SOCS2: variants seen among roughly 807,000 people sequenced by gnomAD.
The protein encoded by SOCS2 is CIS-2.
Under a neutral mutation model 18.6 loss-of-function variants are expected in SOCS2, and 10 were observed. That is an observed-to-expected ratio of 0.54 (90% CI 0.33 to 0.91). SOCS2 has a LOEUF of 0.91. Ranked by LOEUF, SOCS2 falls within the 40% of genes least tolerant of loss-of-function variation. SOCS2 has a pLI of 0.02. For missense variants in SOCS2, 231 were observed against 247.2 expected, an observed-to-expected ratio of 0.93 and a Z score of 0.44; for synonymous variants, 104 against 104.0, an observed-to-expected ratio of 1.00 and a Z score of 0.00.
chr12:93,582,915 T>C (rs1954559466), intron 1 of SOCS2: 1 of 152,026 alleles, frequency 6.6e-6, no homozygotes, highest in African/African-American at 2.4e-5. Flanking sequence ...AGTTTCTACG[T>C]AGATTGTAGT....
upstream of SOCS2, chr12:93,571,859 C>G: frequency 2.4e-6 from 1 of 425,282 alleles, no homozygotes; most frequent in Non-Finnish European, 4.7e-6. Flanking sequence ...GCCCCATGTC[C>G]GCTGAGGAGG....
chr12:93,571,904 C>T, upstream of SOCS2: 1 of 433,410 alleles, frequency 2.3e-6, no homozygotes, highest in Non-Finnish European at 4.6e-6. Flanking sequence ...GCGGCCGCGG[C>T]CGAGGTCGAG....
chr12:93,606,967 C>T, the SOCS2 span, among the ~76,000 whole-genome samples: 2 of 152,114 alleles, frequency 1.3e-5, no homozygotes, highest in Non-Finnish European at 2.9e-5. Flanking sequence ...TAATTTTGTT[C>T]AAGGAATTCT....
the SOCS2 span, among the ~76,000 whole-genome samples, chr12:93,596,962 T>C: frequency 6.6e-6 from 1 of 152,256 alleles, no homozygotes; most frequent in Non-Finnish European, 1.5e-5. Flanking sequence ...TATTATTTCA[T>C]GTGGTCTATA....
the SOCS2 span, among the ~76,000 whole-genome samples, chr12:93,600,296 A>G: frequency 2.0e-5 from 3 of 152,194 alleles, no homozygotes; most frequent in African/African-American, 4.8e-5. Context: ...AGTTTTCCAT[A>G]AGCATGGGTC....
chr12:93,587,436 CT>C (rs1366457003), downstream of SOCS2, among the ~76,000 whole-genome samples: 1 of 152,094 alleles, frequency 6.6e-6, no homozygotes, highest in Non-Finnish European at 1.5e-5. Context: ...AATCCTAGCA[CT>C]TTGGGAGGCA....
chr12:93,611,054 A>G, the SOCS2 span, among the ~76,000 whole-genome samples: 453 of 152,182 alleles, frequency 3.0e-3, 1 homozygote, highest in Middle Eastern at 6.8e-3. Flanking sequence ...CTCATTTTAT[A>G]AATCTTCAAG....
the SOCS2 span, among the ~76,000 whole-genome samples, chr12:93,619,668 C>T: frequency 3.8e-3 from 586 of 152,282 alleles, 5 homozygotes; most frequent in African/African-American, 0.014. Context: ...TAGAGGTTAC[C>T]ATACCCTATT....
chr12:93,614,631 CTTT>C, the SOCS2 span, among the ~76,000 whole-genome samples: 1 of 102,506 alleles, frequency 9.8e-6, no homozygotes, highest in Admixed American at 1.1e-4. Context: ...TTCTTTCTTT[CTTT>C]TGATGGAGTC....
chr12:93,625,612 G>A, the SOCS2 span, among the ~76,000 whole-genome samples: 12 of 152,088 alleles, frequency 7.9e-5, no homozygotes, highest in South Asian at 2.3e-3. Context: ...GCTGGGTGTG[G>A]TGGCACGTGC....
chr12:93,592,987 G>A, the SOCS2 span, among the ~76,000 whole-genome samples: 3 of 143,484 alleles, frequency 2.1e-5, no homozygotes, highest in South Asian at 4.4e-4. Flanking sequence ...AAAGGACATC[G>A]ATTAAGCACA....
chr12:93,602,867 A>C, the SOCS2 span, among the ~76,000 whole-genome samples: 2 of 152,190 alleles, frequency 1.3e-5, no homozygotes, highest in Non-Finnish European at 2.9e-5. Context: ...GAACTCATAC[A>C]ACTCACAGCC....
chr12:93,592,611 G>T, the SOCS2 span, among the ~76,000 whole-genome samples: 106 of 152,224 alleles, frequency 7.0e-4, no homozygotes, highest in African/African-American at 2.4e-3. Flanking sequence ...TATTTCAGAT[G>T]GAAATAAATT....
chr12:93,602,559 A>G, the SOCS2 span, among the ~76,000 whole-genome samples: 2 of 152,170 alleles, frequency 1.3e-5, no homozygotes, highest in African/African-American at 2.4e-5. Flanking sequence ...TCCAATTAAG[A>G]TTCAAAGGTA....
rs1278464648 is a variant in SOCS2, at chr12:93,572,776, C to G, written c.-122C>G. 8.0e-7 allele frequency: 1 copy of G among 1,255,336 alleles called. No homozygotes were observed. Among genetic ancestry groups the G allele is most frequent in the Admixed American group, 2.0e-5 (1 of 50,670 alleles). The allele number at this position is 1,255,336 out of a possible 1,614,324, so 77.8% of individuals were successfully genotyped here. ...AGCCCCATCCCTTCTCTCTCTGCCA[C>G]CATTTCGGACACCCCGCAGGGACTC... is the stretch of plus-strand genomic sequence containing the variant. On this transcript the variant is annotated 5_prime_UTR_variant, in exon 1 of 2. Transcript: ENST00000551556. This position sits in a 1 kb window ranked among gnomAD's most constrained non-coding sequence, Gnocchi z 5.0.
the SOCS2 span, among the ~76,000 whole-genome samples, chr12:93,601,474 G>A: frequency 1.3e-4 from 19 of 151,898 alleles, no homozygotes; most frequent in South Asian, 3.7e-3. Flanking sequence ...ATGTTGGCCA[G>A]GCTGTTGTAT....
chr12:93,583,049 G>C (rs149433302), exon 2 of SOCS2: 1 of 141,702 alleles, frequency 7.1e-6, no homozygotes, highest in African/African-American at 2.6e-5. Flanking sequence ...CTGGTTAGAA[G>C]AATTTTGTGT....
At chr12:93,610,049 A>C in the SOCS2 span, among the ~76,000 whole-genome samples, 2 of 152,326 alleles carry the variant, frequency 1.3e-5, no homozygotes, top group African/African-American at 2.4e-5. Context: ...TCATGATCTA[A>C]TCACCTTTTA....
the SOCS2 span, among the ~76,000 whole-genome samples, chr12:93,593,107 A>AC: frequency 6.6e-6 from 1 of 151,946 alleles, no homozygotes; most frequent in African/African-American, 2.4e-5. Context: ...TATCCTCTGC[A>AC]CCCACTCCTG....
Sources: allele counts gnomAD v4.1 joint callset (sites outside exome capture counted in the v4.1 genomes callset), GRCh38; gene constraint gnomAD v4.1.1; non-coding constraint Gnocchi (gnomAD v3.1); transcripts MANE v1.5; gene names NCBI Gene and HGNC (gene_info 2026-07-23, HGNC 2026-07-21).